Variants in SLC52A3 observed in about 807,000 individuals in gnomAD.
SLC52A3 encodes solute carrier family 52, riboflavin transporter, member 3.
SLC52A3 carries 20 observed loss-of-function variants against 29.5 expected under a neutral mutation model. That is an observed-to-expected ratio of 0.68 (90% CI 0.48 to 0.99). The LOEUF is 0.99. SLC52A3 is among the 50% of genes least tolerant of loss of function. The pLI is 0.00. For synonymous variants in SLC52A3, 301 were observed against 271.0 expected, an observed-to-expected ratio of 1.11 and a Z score of -1.09; for missense variants, 548 against 612.9, an observed-to-expected ratio of 0.89 and a Z score of 1.12.
intron 3 of SLC52A3, among the ~76,000 whole-genome samples, chr20:763,184 C>T (rs2122514993): frequency 6.6e-6 from 1 of 152,346 alleles, no homozygotes; most frequent in African/African-American, 2.4e-5. Flanking sequence ...ATGGTCAACG[C>T]TTAGGCTGGA....
chr20:761,569 C>T, intron 4 of SLC52A3, 132 bp downstream of exon 4: 3 of 1,384,726 alleles, frequency 2.2e-6, no homozygotes, highest in Non-Finnish European at 3.0e-6. Flanking sequence ...AGGGGCGCTT[C>T]CCCCACCTGG....
At chr20:769,911 A>T (rs777961005), upstream of SLC52A3, among the ~76,000 whole-genome samples, 13 of 147,580 alleles carry the variant, frequency 8.8e-5, no homozygotes, top group Non-Finnish European at 1.1e-4. Context: ...AAGAAAAAAT[A>T]AAAAAAAGGC....
At chr20:773,287 C>T (rs922000676), upstream of SLC52A3, among the ~76,000 whole-genome samples, 2 of 152,176 alleles carry the variant, frequency 1.3e-5, no homozygotes, top group African/African-American at 4.8e-5. Flanking sequence ...TTGTGCCAGA[C>T]CCTGTGCTAA....
intron 3 of SLC52A3, 87 bp from the exon 4 acceptor site, chr20:761,911 G>T: frequency 6.3e-7 from 1 of 1,587,376 alleles, no homozygotes; most frequent in Non-Finnish European, 8.6e-7. Context: ...GATGGCCAGT[G>T]TCTCCATAGT....
At chr20:761,998 G>A (rs756451446) in intron 3 of SLC52A3, among the ~76,000 whole-genome samples, 174 bp from the exon 4 acceptor site, 18 of 152,220 alleles carry the variant, frequency 1.2e-4, no homozygotes, top group Non-Finnish European at 2.5e-4. Flanking sequence ...GGCAGGGCTG[G>A]CCTGAGTCAT....
At chr20:778,205 A>G (rs1191473242), upstream of SLC52A3, among the ~76,000 whole-genome samples, 25 of 152,150 alleles carry the variant, frequency 1.6e-4, no homozygotes, top group East Asian at 3.7e-3. Flanking sequence ...AGTAGAGACA[A>G]GGTTTCACCA....
rs1283175936 is a variant in SLC52A3 at position 765,754 on chromosome 20, C to G, written c.21G>C (p.Leu7=). ...AGCCCATTCCGAAGACGCAGACCAG[C>G]AGGTGCATCAGGAAGGCCATGGCGG... MAFLMH[L]LVCVFGMGSW... The change falls in exon 2 of 5, where the codon CTG becomes CTC. Residue 7 remains leucine, a synonymous_variant. Transcript: ENST00000645534. This position sits in a 1 kb window ranked among gnomAD's most constrained non-coding sequence, Gnocchi z 6.6. 6.2e-7 allele frequency: 1 copy of G among 1,605,942 alleles called. No individual in the cohort carries two copies. Among genetic ancestry groups the G allele is most frequent in the Non-Finnish European group, 8.5e-7 (1 of 1,177,262 alleles).
At position 765,628 on chromosome 20, in the gene SLC52A3, C is replaced by A; in HGVS notation, c.147G>T (p.Gln49His). Residue 49 changes from glutamine to histidine, a missense_variant, in exon 2 of 5, where the codon CAG (glutamine) becomes CAT (histidine). Coordinates refer to ENST00000645534, the MANE Select transcript of SLC52A3 (RefSeq NM_033409.4). This position sits in a 1 kb window ranked among gnomAD's most constrained non-coding sequence, Gnocchi z 6.6. ...CCAGGAGGGGCCCGATGTTGGCCAG[C>A]TGGATGACCACCGTGAGGTAGGAGG... is the stretch of plus-strand genomic sequence containing the variant. ...YLPSYLTVVIQLANIGPLLVT... is the reference protein window; with the variant it reads ...YLPSYLTVVIHLANIGPLLVT... 6.2e-7 allele frequency: 1 copy of A among 1,606,854 alleles called. No individual in the cohort carries two copies. The highest frequency in any genetic ancestry group is 8.5e-7 in the Non-Finnish European group (1 of 1,177,308).
chr20:771,897 G>T (rs1000359267), upstream of SLC52A3, among the ~76,000 whole-genome samples: 1 of 152,168 alleles, frequency 6.6e-6, no homozygotes, highest in East Asian at 1.9e-4. Context: ...CAGTCCAGCA[G>T]TACAGGCCTG....
chr20:765,778 GGT>G lies in SLC52A3; in HGVS notation c.-6_-5del. 17 of 1,598,310 alleles carry G rather than the reference GGT, an allele frequency of 1.1e-5. No homozygotes were observed. Among genetic ancestry groups the G allele is most frequent in the Non-Finnish European group, 1.4e-5 (16 of 1,174,030 alleles). ...GCAGGTGCATCAGGAAGGCCATGGC[GGT>G]ATCTGCCCTGGGCCAGAGGCTTTCT... is the stretch of plus-strand genomic sequence containing the variant. On this transcript the variant is annotated 5_prime_UTR_variant, in exon 2 of 5. Coordinates refer to ENST00000645534, the MANE Select transcript of SLC52A3 (RefSeq NM_033409.4). The surrounding 1 kb of genome is among the most constrained non-coding windows in gnomAD (Gnocchi z 6.6).
chr20:772,713 A>T (rs1013792762), upstream of SLC52A3, among the ~76,000 whole-genome samples: 2 of 152,072 alleles, frequency 1.3e-5, no homozygotes, highest in African/African-American at 4.8e-5. Context: ...CCCTGCTCTC[A>T]GGAAGTTGGA....
upstream of SLC52A3, among the ~76,000 whole-genome samples, chr20:770,573 G>A (rs760180943): frequency 3.9e-5 from 6 of 152,134 alleles, no homozygotes; most frequent in Non-Finnish European, 8.8e-5. The surrounding 1 kb of genome is among the most constrained non-coding windows in gnomAD (Gnocchi z 4.5). Flanking sequence ...TTCATCAAAC[G>A]AATCTTTGGT....
upstream of SLC52A3, among the ~76,000 whole-genome samples, chr20:777,119 C>T (rs1987064208): frequency 6.6e-6 from 1 of 152,012 alleles, no homozygotes; most frequent in Non-Finnish European, 1.5e-5. Context: ...ACCTGTAATC[C>T]CAGCTACTGG....
Position 760,126 on chromosome 20 carries a change from A to G in SLC52A3, c.*900T>C, listed in dbSNP as rs1185665274. On this transcript the variant is annotated 3_prime_UTR_variant, in exon 5 of 5. Transcript: ENST00000645534. The surrounding 1 kb of genome is among the most constrained non-coding windows in gnomAD (Gnocchi z 4.9). ...TTTAAAAAAATGAAAAACAGAAACT[A>G]AAACAAAATAACAATCACCTCTGTT... 1 of 152,166 alleles carries G rather than the reference A, an allele frequency of 6.6e-6. No individual in the cohort carries two copies. Among genetic ancestry groups the G allele is most frequent in the Non-Finnish European group, 1.5e-5 (1 of 68,038 alleles). 9.4% of individuals were successfully genotyped at this position (152,166 alleles called of 1,614,324 possible).
In SLC52A3 at chr20:761,055, C is replaced by A. The variant is rs140360713; in HGVS notation, c.1381G>T (p.Asp461Tyr). ...GCTGGACAGTGCAGATTGCAGAAGT[C>A]CGCGGACGAGAAGAGCCGCAGCACG... ...VNVLRLFSSA[D>Y]FCNLHCPA Residue 461 changes from aspartate (D) to tyrosine (Y), a missense_variant, in exon 5 of 5, where the codon GAC (aspartate) becomes TAC (tyrosine). Transcript: ENST00000645534. The A allele has an allele frequency of 6.3e-4, 1,009 of 1,609,324 alleles. 1 individual carries two copies. The highest frequency in any genetic ancestry group is 8.2e-4 in the Non-Finnish European group (966 of 1,178,514).
chr20:773,111 T>C (rs151313473), upstream of SLC52A3, among the ~76,000 whole-genome samples: 54 of 152,270 alleles, frequency 3.5e-4, no homozygotes, highest in African/African-American at 1.3e-3. Context: ...AGAGACCAGC[T>C]CTAATCTAGT....
intron 1 of SLC52A3, among the ~76,000 whole-genome samples, chr20:767,559 G>A (rs1986725703): frequency 6.6e-6 from 1 of 152,056 alleles, no homozygotes; most frequent in African/African-American, 2.4e-5. Context: ...GTTTCTCCGT[G>A]TTAGCCAGGA....
chr20:761,706 G>A lies in SLC52A3; in HGVS notation c.1192C>T (p.Leu398Phe), dbSNP rs774461829. The change falls in exon 4 of 5, where the codon CTC becomes TTC. Residue 398 changes from leucine (L) to phenylalanine (F), a missense_variant. By Grantham distance (22) the Leu-to-Phe change is conservative (BLOSUM62 0). Transcript: ENST00000645534. ...LLQGHWGGEV[L>F]IVASWVLFSG... Reference sequence around the variant, plus strand: ...CCCACCGGCCGGATACTCACAATGAGGACTTCCCCACCCCAGTGGCCCTGC... The same window carrying A: ...CCCACCGGCCGGATACTCACAATGAAGACTTCCCCACCCCAGTGGCCCTGC... The A allele has an allele frequency of 1.4e-5, 23 of 1,613,710 alleles. No individual in the cohort carries two copies. Among genetic ancestry groups the A allele is most frequent in the Non-Finnish European group, 1.7e-5 (20 of 1,179,962 alleles).
chr20:760,860 C>T lies in SLC52A3; in HGVS notation c.*166G>A. ...ACACAGAGTTGGGGATAGAGCCGCA[C>T]CTTGCATTTCCAGGTGCCATCTTCC... is the stretch of plus-strand genomic sequence containing the variant. On this transcript the variant is annotated 3_prime_UTR_variant, in exon 5 of 5. Transcript: ENST00000645534. This position sits in a 1 kb window ranked among gnomAD's most constrained non-coding sequence, Gnocchi z 4.9. 1 of 674,236 alleles carries T rather than the reference C, an allele frequency of 1.5e-6. No individual in the cohort carries two copies. The highest frequency in any genetic ancestry group is 2.5e-6 in the Non-Finnish European group (1 of 393,350). The allele number at this position is 674,236 out of a possible 1,614,324, so 41.8% of individuals were successfully genotyped here.
Sources: gnomAD v4.1 joint callset for allele counts (sites outside exome capture counted in the v4.1 genomes callset) on GRCh38, gnomAD v4.1.1 for gene constraint, Gnocchi (gnomAD v3.1) non-coding constraint, MANE v1.5 for transcripts, NCBI Gene and HGNC (gene_info 2026-07-23, HGNC 2026-07-21) for gene names.